The following GSG1L variants were observed in gnomAD, a reference collection of about 807,000 sequenced individuals.
GSG1L encodes GSG1 like.
A neutral mutation model predicts 42.1 loss-of-function variants in GSG1L; 24 were observed. That is an observed-to-expected ratio of 0.57 (90% CI 0.41 to 0.80). GSG1L has a LOEUF of 0.80. Ranked by LOEUF, GSG1L falls within the 30% of genes least tolerant of loss-of-function variation. The probability of loss-of-function intolerance (pLI) is 0.00; values close to 1 mark genes in which losing one functional copy is unlikely to be tolerated. For synonymous variants in GSG1L, 215 were observed against 203.5 expected, an observed-to-expected ratio of 1.06 and a Z score of -0.48; for missense variants, 445 against 472.2, an observed-to-expected ratio of 0.94 and a Z score of 0.53.
intron 1 of GSG1L, among the ~76,000 whole-genome samples, chr16:27,972,076 C>T (rs1342205539): frequency 2.0e-5 from 3 of 152,194 alleles, no homozygotes; most frequent in Non-Finnish European, 4.4e-5. Context: ...CCTACCAGAA[C>T]CAGATGTTCC....
At position 28,063,030 on chromosome 16, in the gene GSG1L, C is replaced by T; in HGVS notation, c.349+46G>A. The T allele has an allele frequency of 7.4e-7, 1 of 1,351,522 alleles. No homozygotes were observed. Among genetic ancestry groups the T allele is most frequent in the East Asian group, 3.4e-5 (1 of 29,074 alleles). The allele number at this position is 1,351,522 out of a possible 1,614,324, so 83.7% of individuals were successfully genotyped here. A position where few individuals can be genotyped will look rare whatever the true frequency, so the allele number is the denominator to read the frequency against. ...GCTCGGGCCTCGATGGCCGCGCCGC[C>T]CCGGGGGAGCCGGAGCCGAGCTGGC... is the stretch of plus-strand genomic sequence containing the variant. On this transcript the variant is annotated intron_variant, in intron 1 of 6. Coordinates refer to ENST00000447459, the MANE Select transcript of GSG1L (RefSeq NM_001109763.2). This position sits in a 1 kb window ranked among gnomAD's most constrained non-coding sequence, Gnocchi z 5.8.
At chr16:28,007,459 T>C (rs2085654071) in intron 1 of GSG1L, among the ~76,000 whole-genome samples, 1 of 151,956 alleles carries the variant, frequency 6.6e-6, no homozygotes, top group East Asian at 1.9e-4. Context: ...TGTGGGAGAA[T>C]AAATGTGCAT....
intron 1 of GSG1L, among the ~76,000 whole-genome samples, chr16:28,054,194 C>T (rs1567571627): frequency 1.3e-5 from 2 of 152,168 alleles, no homozygotes; most frequent in Admixed American, 6.5e-5. Flanking sequence ...CCACTGTCCT[C>T]GCCAAGCTCC....
At chr16:27,905,578 T>C (rs1370595458) in intron 2 of GSG1L, among the ~76,000 whole-genome samples, 1 of 152,176 alleles carries the variant, frequency 6.6e-6, no homozygotes, top group African/African-American at 2.4e-5. Context: ...CCTTCCAAAG[T>C]GCTGGGATTA....
At chr16:27,860,374 T>C (rs1567491472) in intron 3 of GSG1L, among the ~76,000 whole-genome samples, 1 of 152,200 alleles carries the variant, frequency 6.6e-6, no homozygotes, top group Non-Finnish European at 1.5e-5. Flanking sequence ...TGATTGACTC[T>C]CATAGCCTCT....
intron 2 of GSG1L, among the ~76,000 whole-genome samples, chr16:27,918,367 T>C (rs2084483104): frequency 6.6e-6 from 1 of 152,112 alleles, no homozygotes. Flanking sequence ...CCTATTAAGA[T>C]GGTTTGAGGG....
At chr16:27,822,524 C>T (rs926377593) in intron 5 of GSG1L, among the ~76,000 whole-genome samples, 2 of 152,168 alleles carry the variant, frequency 1.3e-5, no homozygotes, top group Non-Finnish European at 2.9e-5. Flanking sequence ...TCAAGTGATC[C>T]TCCCACCTCA....
At chr16:27,902,333 G>T (rs1053917231) in intron 2 of GSG1L, among the ~76,000 whole-genome samples, 2 of 152,196 alleles carry the variant, frequency 1.3e-5, no homozygotes, top group Non-Finnish European at 2.9e-5. Context: ...CCACCAAAAG[G>T]TCAAGGGAAA....
At chr16:27,966,905 A>T (rs772801548) in intron 1 of GSG1L, among the ~76,000 whole-genome samples, 3 of 152,228 alleles carry the variant, frequency 2.0e-5, no homozygotes, top group Non-Finnish European at 4.4e-5. Flanking sequence ...ACATGGGGCC[A>T]GGCAGCTGTG....
intron 1 of GSG1L, among the ~76,000 whole-genome samples, chr16:28,021,306 G>A (rs1271731347): frequency 1.3e-5 from 2 of 152,086 alleles, no homozygotes; most frequent in African/African-American, 4.8e-5. Context: ...ACTCAGGGTT[G>A]GGGAGACAGA....
At chr16:27,893,384 G>A (rs2084151798) in intron 2 of GSG1L, among the ~76,000 whole-genome samples, 1 of 152,042 alleles carries the variant, frequency 6.6e-6, no homozygotes, top group Non-Finnish European at 1.5e-5. Flanking sequence ...ACTGTGTCTC[G>A]GCTGTGTGAC....
intron 5 of GSG1L, among the ~76,000 whole-genome samples, chr16:27,814,933 C>CT (rs1003293454): frequency 3.9e-4 from 57 of 147,168 alleles, no homozygotes; most frequent in South Asian, 4.4e-4. Context: ...GACAGATTTA[C>CT]TTTTTTTTTT....
intron 2 of GSG1L, among the ~76,000 whole-genome samples, chr16:27,947,563 AAG>A (rs369960486): frequency 0.018 from 1,599 of 91,240 alleles, 38 homozygotes; most frequent in African/African-American, 0.054. Context: ...GAAAGAAAGA[AAG>A]AAAGAAAGAA....
At chr16:27,938,055 T>C (rs554922383) in intron 2 of GSG1L, among the ~76,000 whole-genome samples, 5 of 152,180 alleles carry the variant, frequency 3.3e-5, no homozygotes, top group Admixed American at 1.3e-4. Flanking sequence ...GAGATTCTGA[T>C]TGGTCCAGTT....
chr16:27,861,563 A>T (rs1281496530), intron 3 of GSG1L, among the ~76,000 whole-genome samples: 1 of 152,146 alleles, frequency 6.6e-6, no homozygotes, highest in Admixed American at 6.5e-5. Flanking sequence ...GGACAAGGGT[A>T]TTCACTATAG....
intron 3 of GSG1L, among the ~76,000 whole-genome samples, chr16:27,870,960 G>A (rs1377987176): frequency 1.3e-5 from 2 of 151,304 alleles, no homozygotes; most frequent in African/African-American, 4.9e-5. Context: ...CAGTCTTTGT[G>A]AGACTCACCC....
chr16:27,810,695 CTT>C (rs1009194456), intron 5 of GSG1L, among the ~76,000 whole-genome samples: 2 of 146,004 alleles, frequency 1.4e-5, no homozygotes, highest in African/African-American at 2.5e-5. Flanking sequence ...TTAAGTTTTT[CTT>C]TTTTTTTTTA....
At chr16:27,850,023 C>CTTTTTTTTTTTTTTTT (rs57543425) in intron 3 of GSG1L, among the ~76,000 whole-genome samples, 7 of 70,074 alleles carry the variant, frequency 1.0e-4, no homozygotes, top group Non-Finnish European at 1.4e-4. Context: ...TTTGAAATGC[C>CTTTTTTTTTTTTTTTT]TTTTTTTTTT....
rs569663012 is a variant in GSG1L, at chr16:27,850,531, C to T, written c.551-5470G>A. On this transcript the variant is annotated intron_variant, in intron 3 of 6. Transcript: ENST00000447459. ...GAGAAGGGTCCCAGGATGAAGCCAA[C>T]ATCTGATATTAAGCAGAGCAGGAGG... 4.0e-4 allele frequency: 181 copies of T among 455,786 alleles called. 2 individuals are homozygous for T. Among genetic ancestry groups the T allele is most frequent in the South Asian group, 2.6e-3 (169 of 64,536 alleles). 28.2% of individuals were successfully genotyped at this position (455,786 alleles called of 1,614,324 possible).
Sources: gnomAD v4.1 joint callset for allele counts (sites outside exome capture counted in the v4.1 genomes callset) on GRCh38, gnomAD v4.1.1 for gene constraint, Gnocchi (gnomAD v3.1) non-coding constraint, MANE v1.5 for transcripts, NCBI Gene and HGNC (gene_info 2026-07-23, HGNC 2026-07-21) for gene names.